The following CDK7 variants were observed in gnomAD, a reference collection of about 807,000 sequenced individuals.
The protein encoded by CDK7 is cyclin dependent kinase 7.
In CDK7, 25 loss-of-function variants were observed where a neutral mutation model predicts 49.1. That is an observed-to-expected ratio of 0.51 (90% CI 0.37 to 0.71). The LOEUF (loss-of-function observed/expected upper bound fraction) is 0.71. Among genes scored for constraint, CDK7 ranks in the 30% least tolerant of loss-of-function variants. CDK7 has a pLI of 0.00. For synonymous variants in CDK7, 107 were observed against 140.0 expected (o/e 0.76, Z 1.67); for missense variants, 316 against 411.7 (o/e 0.77, Z 2.01).
chr5:69,238,411 A>G (rs941504002), intron 2 of CDK7, among the ~76,000 whole-genome samples: 4 of 151,126 alleles, frequency 2.6e-5, no homozygotes, highest in African/African-American at 9.7e-5. Context: ...CAGCCTCCCA[A>G]CCAGCTAGGA....
Position 69,272,950 on chromosome 5 carries a change from A to G in CDK7, c.773A>G (p.His258Arg), listed in dbSNP as rs1411344404. The part of the protein sequence containing the change: ...TFKSFPGIPL[H>R]HIFSAAGDDL... ...AAGAGTTTCCCTGGAATACCTTTGCATCACATCTTCAGTGCAGCAGGAGAC... is the reference window on the plus strand; with the variant it reads ...AAGAGTTTCCCTGGAATACCTTTGCGTCACATCTTCAGTGCAGCAGGAGAC... The change falls in exon 10 of 12, where the codon CAT (histidine) becomes CGT (arginine). Residue 258 changes from histidine to arginine, a missense_variant. By Grantham distance (29) the His-to-Arg change is conservative. Coordinates refer to ENST00000256443, the MANE Select transcript of CDK7 (RefSeq NM_001799.4). 1.9e-6 allele frequency: 3 copies of G among 1,600,382 alleles called. No individual in the cohort carries two copies. Among genetic ancestry groups the G allele is most frequent in the Non-Finnish European group, 2.6e-6 (3 of 1,172,084 alleles).
intron 9 of CDK7, among the ~76,000 whole-genome samples, chr5:69,272,043 A>C (rs1751608449): frequency 6.6e-6 from 1 of 151,722 alleles, no homozygotes; most frequent in Non-Finnish European, 1.5e-5. Context: ...CTCCTGCCTC[A>C]ATCTCCCAAA....
chr5:69,251,705 A>C (rs958631668), intron 2 of CDK7, among the ~76,000 whole-genome samples: 5 of 151,808 alleles, frequency 3.3e-5, no homozygotes, highest in African/African-American at 1.2e-4. Flanking sequence ...TAATTTTTAA[A>C]AATGTTGAGT....
chr5:69,256,815 A>T (rs1201651659), intron 5 of CDK7, among the ~76,000 whole-genome samples: 2 of 151,956 alleles, frequency 1.3e-5, no homozygotes, highest in Admixed American at 1.3e-4. Context: ...GGATTGCACC[A>T]TTGCACTCCA....
At chr5:69,250,891 T>G (rs1036905787) in intron 2 of CDK7, 10 of 456,232 alleles carry the variant, frequency 2.2e-5, no homozygotes, top group Non-Finnish European at 4.0e-5. Flanking sequence ...AGTGAGCAAA[T>G]CATGAATCCT....
At chr5:69,235,285 G>C (rs1748884220) in intron 1 of CDK7, 109 bp from the exon 2 acceptor site, 9 of 892,100 alleles carry the variant, frequency 1.0e-5, no homozygotes, top group African/African-American at 1.7e-5. Context: ...TCCAGCCGCC[G>C]CGAGTCTGCT....
At position 69,269,286 on chromosome 5, in the gene CDK7, A is replaced by C; in HGVS notation, c.707A>C (p.Gln236Pro). The change falls in exon 9 of 12, where the codon CAG (glutamine) becomes CCG (proline). Residue 236 changes from glutamine to proline, a missense_variant. Coordinates refer to ENST00000256443, the MANE Select transcript of CDK7 (RefSeq NM_001799.4). ...FETLGTPTEE[Q>P]WPDMCSLPDY... ...ACTTTGGGCACACCAACTGAGGAAC[A>C]GTGGCCGGTAAGCCTTTATGCATTT... is the stretch of plus-strand genomic sequence containing the variant. 6.2e-7 allele frequency: 1 copy of C among 1,608,658 alleles called. No homozygotes were observed. Among genetic ancestry groups the C allele is most frequent in the South Asian group, 1.1e-5 (1 of 90,060 alleles).
intron 4 of CDK7, among the ~76,000 whole-genome samples, chr5:69,254,952 A>G (rs1750392121): frequency 6.6e-6 from 1 of 152,160 alleles, no homozygotes; most frequent in African/African-American, 2.4e-5. Flanking sequence ...CCTGAATTCA[A>G]AACCTTTCTT....
At chr5:69,271,829 G>T (rs1355578697) in intron 9 of CDK7, among the ~76,000 whole-genome samples, 1 of 151,524 alleles carries the variant, frequency 6.6e-6, no homozygotes, top group Non-Finnish European at 1.5e-5. Flanking sequence ...AATTTTTTTT[G>T]TATTTTTTTC....
intron 2 of CDK7, among the ~76,000 whole-genome samples, chr5:69,249,997 T>G (rs1225896831): frequency 6.6e-6 from 1 of 152,268 alleles, no homozygotes; most frequent in African/African-American, 2.4e-5. Flanking sequence ...TGAATTTCTT[T>G]GAGTTTTCTG....
At chr5:69,263,306 G>A (rs984552531) in intron 8 of CDK7, among the ~76,000 whole-genome samples, 121 of 152,238 alleles carry the variant, frequency 7.9e-4, no homozygotes, top group African/African-American at 2.7e-3. Flanking sequence ...TAAGCCATAT[G>A]TATTTAAAGA....
intron 8 of CDK7, among the ~76,000 whole-genome samples, chr5:69,267,543 C>T (rs1751245051): frequency 6.6e-6 from 1 of 151,982 alleles, no homozygotes; most frequent in Non-Finnish European, 1.5e-5. Context: ...TTGATCCACT[C>T]GCCTCACCCT....
At chr5:69,234,841 GGAA>G, upstream of CDK7, 6 of 862,810 alleles carry the variant, frequency 7.0e-6, no homozygotes, top group Non-Finnish European at 1.1e-5. Flanking sequence ...CGCCCACCAC[GGAA>G]GTGAGGCGGG....
intron 2 of CDK7, among the ~76,000 whole-genome samples, chr5:69,241,314 C>CTTTT (rs747725798): frequency 6.2e-4 from 22 of 35,208 alleles, no homozygotes; most frequent in South Asian, 1.4e-3. Flanking sequence ...TAGGTTTTTT[C>CTTTT]TTTTTTTTTT....
chr5:69,239,864 T>C (rs1337322309), intron 2 of CDK7, among the ~76,000 whole-genome samples: 1 of 150,212 alleles, frequency 6.7e-6, no homozygotes, highest in African/African-American at 2.4e-5. Flanking sequence ...TTGTATGATA[T>C]GAGGATCCAG....
intron 5 of CDK7, chr5:69,255,980 C>T (rs576081307): frequency 9.9e-5 from 16 of 162,230 alleles, no homozygotes; most frequent in East Asian, 1.8e-4. Flanking sequence ...CCACCACGCC[C>T]GGCTAAATTT....
intron 6 of CDK7, among the ~76,000 whole-genome samples, chr5:69,259,386 A>G (rs1750680229): frequency 6.6e-6 from 1 of 152,168 alleles, no homozygotes; most frequent in South Asian, 2.1e-4. Flanking sequence ...GTAAGTTTGG[A>G]ATCCCTCTTA....
chr5:69,251,050 C>T (rs1475721683), intron 2 of CDK7, among the ~76,000 whole-genome samples: 2 of 151,872 alleles, frequency 1.3e-5, no homozygotes, highest in Non-Finnish European at 2.9e-5. Flanking sequence ...CCACTTCAGC[C>T]TTCCAAGTAG....
intron 2 of CDK7, among the ~76,000 whole-genome samples, chr5:69,251,484 ATCC>A (rs1259851732): frequency 6.6e-6 from 1 of 152,034 alleles, no homozygotes; most frequent in Non-Finnish European, 1.5e-5. Flanking sequence ...TACTCAAGCA[ATCC>A]TCCTACCCAG....
Sources: gnomAD v4.1 joint callset for allele counts (sites outside exome capture counted in the v4.1 genomes callset) on GRCh38, gnomAD v4.1.1 for gene constraint, MANE v1.5 for transcripts, NCBI Gene and HGNC (gene_info 2026-07-23, HGNC 2026-07-21) for gene names.